Variants in ZIC4 observed in about 807,000 individuals in gnomAD.
The protein encoded by ZIC4 is Zic family zinc finger 4.
Under a neutral mutation model 28.8 loss-of-function variants are expected in ZIC4, and 15 were observed. The observed-to-expected ratio is 0.52, with a 90% confidence interval of 0.35 to 0.80. The LOEUF (loss-of-function observed/expected upper bound fraction) is 0.80, where lower values mean the gene tolerates loss of function less well. ZIC4 is among the 30% of genes least tolerant of loss of function. The probability of loss-of-function intolerance (pLI) is 0.01; values close to 1 mark genes in which losing one functional copy is unlikely to be tolerated. For synonymous variants in ZIC4, 220 were observed against 198.1 expected, an observed-to-expected ratio of 1.11 and a Z score of -0.93; for missense variants, 512 against 467.1, an observed-to-expected ratio of 1.10 and a Z score of -0.89.
rs959718635 is a variant in ZIC4 at position 147,396,942 on chromosome 3, C to T, written c.71-473G>A. 1 of 153,526 alleles carries T rather than the reference C, an allele frequency of 6.5e-6. No homozygotes were observed. The highest frequency in any genetic ancestry group is 1.4e-5 in the Non-Finnish European group (1 of 69,142). 9.5% of individuals were successfully genotyped at this position (153,526 alleles called of 1,614,324 possible). A position where few individuals can be genotyped will look rare whatever the true frequency, so the allele number is the denominator to read the frequency against. On this transcript the variant is annotated intron_variant, in intron 2 of 4. Coordinates refer to ENST00000383075, the MANE Select transcript of ZIC4 (RefSeq NM_032153.6). This position sits in a 1 kb window ranked among gnomAD's most constrained non-coding sequence, Gnocchi z 4.2. ...CCCCAGCCATATATATTTTCAGTGCCCCGCTTGGCTAGGAGAGGGCGGCCG... is the reference window on the plus strand; with the variant it reads ...CCCCAGCCATATATATTTTCAGTGCTCCGCTTGGCTAGGAGAGGGCGGCCG...
At chr3:147,403,836 A>G in intron 1 of ZIC4, 5 of 991,734 alleles carry the variant, frequency 5.0e-6, no homozygotes, top group Non-Finnish European at 7.2e-6. Flanking sequence ...TTCTCTATGC[A>G]CAAAGATCTC....
At chr3:147,397,562 G>C (rs988057297) in intron 2 of ZIC4, among the ~76,000 whole-genome samples, 1 of 151,976 alleles carries the variant, frequency 6.6e-6, no homozygotes, top group South Asian at 2.1e-4. Flanking sequence ...GAAGTACTCG[G>C]GGCTGGGTTA....
intron 2 of ZIC4, among the ~76,000 whole-genome samples, chr3:147,399,565 T>G (rs772377674): frequency 2.0e-5 from 3 of 152,208 alleles, no homozygotes; most frequent in Non-Finnish European, 2.9e-5. Flanking sequence ...CAATTAAAAT[T>G]TTTTTTCTCT....
chr3:147,395,146 A>C (rs529791065), intron 3 of ZIC4, among the ~76,000 whole-genome samples: 17 of 152,204 alleles, frequency 1.1e-4, no homozygotes, highest in Non-Finnish European at 1.9e-4. Flanking sequence ...AGTTGTATTA[A>C]TTAGAGATGC....
At position 147,402,743 on chromosome 3, in the gene ZIC4, T is replaced by C; in HGVS notation, c.55A>G (p.Thr19Ala). Reference protein sequence around the residue: ...MRKRLRLYRNTLKESSSSSGH... With the variant: ...MRKRLRLYRNALKESSSSSGH... ...TTTAACTTACTTGACTCTTTAAGAG[T>C]GTTTCGGTAAAGCCGTAATCGTTTC... The change falls in exon 2 of 5, where the codon ACT becomes GCT. Residue 19 changes from threonine (T) to alanine (A), a missense_variant. Physicochemically the swap from Thr to Ala is moderately conservative, Grantham distance 58. Coordinates refer to ENST00000383075, the MANE Select transcript of ZIC4 (RefSeq NM_032153.6). 6.2e-7 allele frequency: 1 copy of C among 1,613,458 alleles called. No homozygotes were observed. The highest frequency in any genetic ancestry group is 8.5e-7 in the Non-Finnish European group (1 of 1,179,762).
At position 147,387,632 on chromosome 3, in the gene ZIC4, C is replaced by T. The variant is rs1203355071; in HGVS notation, c.*1227G>A. On this transcript the variant is annotated 3_prime_UTR_variant, in exon 5 of 5. Coordinates refer to ENST00000383075, the MANE Select transcript of ZIC4 (RefSeq NM_032153.6). ...TAAGGGAACATGGACTTCTAACTTTCCTGCCATCTTCCCCACATCCCCTTG... is the reference window on the plus strand; with the variant it reads ...TAAGGGAACATGGACTTCTAACTTTTCTGCCATCTTCCCCACATCCCCTTG... The T allele has an allele frequency of 2.0e-5, 3 of 152,628 alleles. No individual in the cohort carries two copies. The highest frequency in any genetic ancestry group is 4.4e-5 in the Non-Finnish European group (3 of 68,040). 9.5% of individuals were successfully genotyped at this position (152,628 alleles called of 1,614,324 possible). A position where few individuals can be genotyped will look rare whatever the true frequency, so the allele number is the denominator to read the frequency against.
chr3:147,403,833 T>A (rs1448297086), intron 1 of ZIC4: 3 of 964,884 alleles, frequency 3.1e-6, no homozygotes, highest in East Asian at 5.3e-5. Flanking sequence ...CAGTTCTCTA[T>A]GCACAAAGAT....
intron 4 of ZIC4, chr3:147,389,446 C>T (rs1576453595): frequency 6.6e-6 from 1 of 152,388 alleles, no homozygotes; most frequent in Non-Finnish European, 1.5e-5. Flanking sequence ...CTACCTCCCT[C>T]CCCAATACAC....
chr3:147,394,468 T>TA (rs3058048), intron 3 of ZIC4, among the ~76,000 whole-genome samples: 33,190 of 137,254 alleles, frequency 0.24, 4,272 homozygotes, highest in Non-Finnish European at 0.31. Context: ...TTTGTTTGTT[T>TA]AAAAAAAAAA....
rs945298841 is a variant in ZIC4, at chr3:147,404,316, A to G, written c.-15-1504T>C. On this transcript the variant is annotated intron_variant, in intron 1 of 4. Transcript: ENST00000383075. ...GTCCTGTCAGCCTTTTGTGCACTAC[A>G]GACCCATAGACATGCAAACAAATAT... 2.2e-5 allele frequency: 29 copies of G among 1,347,024 alleles called. No individual in the cohort carries two copies. The African/African-American group carries it at 3.4e-4, about 16-fold the overall frequency. 83.4% of individuals were successfully genotyped at this position (1,347,024 alleles called of 1,614,324 possible).
chr3:147,405,143 C>G lies in ZIC4; in HGVS notation c.-16+1220G>C, dbSNP rs1319322436. On this transcript the variant is annotated intron_variant, in intron 1 of 4. Transcript: ENST00000383075. Reference sequence around the variant, plus strand: ...AGGGGCCTTTACTCATTCTCCTGTTCTCTAGAGGGAGAAGCTTGGGTTTCC... The same window carrying G: ...AGGGGCCTTTACTCATTCTCCTGTTGTCTAGAGGGAGAAGCTTGGGTTTCC... Among the ~76,000 whole-genome samples the G allele has an allele frequency of 2.6e-5, 4 of 152,200 alleles. No homozygotes were observed. The East Asian group carries it at 7.7e-4, about 29-fold the overall frequency.
intron 1 of ZIC4, chr3:147,403,430 T>C (rs2087210387): frequency 6.5e-6 from 1 of 152,970 alleles, no homozygotes; most frequent in African/African-American, 2.4e-5. Flanking sequence ...GTTAAAAAGG[T>C]ATAATTTTAA....
chr3:147,404,003 C>T, intron 1 of ZIC4: 1 of 1,537,116 alleles, frequency 6.5e-7, no homozygotes, highest in Non-Finnish European at 8.7e-7. Flanking sequence ...TTCTTTCTAA[C>T]CAAAAGGCAT....
intron 4 of ZIC4, among the ~76,000 whole-genome samples, chr3:147,390,319 C>A (rs563731114): frequency 6.1e-4 from 92 of 150,330 alleles, no homozygotes; most frequent in African/African-American, 2.2e-3. Flanking sequence ...AGGAAAGAAA[C>A]TGGAGTCAAG....
chr3:147,391,940 A>T, intron 3 of ZIC4: 1 of 984,824 alleles, frequency 1.0e-6, no homozygotes, highest in East Asian at 1.1e-4. Context: ...CCCTGAGGGC[A>T]AACATTTAGC....
chr3:147,394,720 G>T (rs1055768859), intron 3 of ZIC4, among the ~76,000 whole-genome samples: 1 of 152,306 alleles, frequency 6.6e-6, no homozygotes, highest in South Asian at 2.1e-4. Flanking sequence ...TAGAAATAAA[G>T]TGCCAGGCTC....
intron 2 of ZIC4, among the ~76,000 whole-genome samples, chr3:147,401,139 A>T (rs995403719): frequency 3.3e-5 from 5 of 152,200 alleles, no homozygotes; most frequent in African/African-American, 1.2e-4. Flanking sequence ...AGTGCCCAGA[A>T]TCATGCCCTA....
chr3:147,389,975 G>A (rs2086879093), intron 4 of ZIC4, among the ~76,000 whole-genome samples: 1 of 152,188 alleles, frequency 6.6e-6, no homozygotes, highest in South Asian at 2.1e-4. Flanking sequence ...CCTCTACAGG[G>A]GTTGGGGTGG....
chr3:147,392,281 C>A, intron 3 of ZIC4: 1 of 985,802 alleles, frequency 1.0e-6, no homozygotes, highest in Non-Finnish European at 1.2e-6. Flanking sequence ...GGCTCCGCAG[C>A]CCGGAGGGCC....
Sources: gnomAD v4.1 joint callset for allele counts (sites outside exome capture counted in the v4.1 genomes callset) on GRCh38, gnomAD v4.1.1 for gene constraint, Gnocchi (gnomAD v3.1) non-coding constraint, MANE v1.5 for transcripts, NCBI Gene and HGNC (gene_info 2026-07-23, HGNC 2026-07-21) for gene names.